The following BCAS3 variants were observed in gnomAD, a reference collection of about 807,000 sequenced individuals.
The protein encoded by BCAS3 is BCAS3 microtubule associated cell migration factor, also known as BCAS4/BCAS3 fusion.
In BCAS3, 53 loss-of-function variants were observed where a neutral mutation model predicts 116.1. That is an observed-to-expected ratio of 0.46 (90% CI 0.37 to 0.57). The LOEUF is 0.57. BCAS3 is among the 20% of genes least tolerant of loss of function. The pLI, the probability that BCAS3 is intolerant of heterozygous loss-of-function variation, is 0.00. For missense variants in BCAS3, 917 were observed against 1,165.4 expected (o/e 0.79, Z 3.10); for synonymous variants, 391 against 408.2 (o/e 0.96, Z 0.51).
In BCAS3 at chr17:61,141,762, G is replaced by A. The variant is rs1175145408; in HGVS notation, c.2425+57198G>A. On this transcript the variant is annotated intron_variant, in intron 22 of 23. Transcript: ENST00000407086. This position sits in a 1 kb window ranked among gnomAD's most constrained non-coding sequence, Gnocchi z 4.3. Reference sequence around the variant, plus strand: ...CTAAAAATACAAAAATTAGCTGGGCGTGGTGGCGCACGCCTGTAGTCCCAA... The same window carrying A: ...CTAAAAATACAAAAATTAGCTGGGCATGGTGGCGCACGCCTGTAGTCCCAA... Among the ~76,000 whole-genome samples the A allele has an allele frequency of 3.3e-5, 5 of 151,846 alleles. No individual in the cohort carries two copies. The highest frequency in any genetic ancestry group is 4.8e-5 in the African/African-American group (2 of 41,330).
At chr17:61,221,093 C>T (rs998794088) in intron 22 of BCAS3, among the ~76,000 whole-genome samples, 1 of 152,100 alleles carries the variant, frequency 6.6e-6, no homozygotes, top group Admixed American at 6.5e-5. Flanking sequence ...AGTGAGACTC[C>T]GTCTCAAAAA....
chr17:61,111,449 CA>C (rs1238657575), intron 22 of BCAS3, among the ~76,000 whole-genome samples: 4 of 151,674 alleles, frequency 2.6e-5, no homozygotes, highest in Admixed American at 2.6e-4. Flanking sequence ...GCAGAAGCCT[CA>C]GGAGCCAATG....
intron 22 of BCAS3, among the ~76,000 whole-genome samples, chr17:61,092,899 CTTTTTTTTTTTT>C (rs959718467): frequency 3.8e-5 from 3 of 79,544 alleles, no homozygotes; most frequent in African/African-American, 1.1e-4. Flanking sequence ...TTTGTCCAGT[CTTTTTTTTTTTT>C]TTTTTTTTTT....
Position 61,244,544 on chromosome 17 carries a change from A to G in BCAS3, c.2426-123783A>G, listed in dbSNP as rs2047773987. ...TGTTAAAATTACCCAAATCTCACAT[A>G]CTTTATTCAGTCTATATTTTTAAAA... On this transcript the variant is annotated intron_variant, in intron 22 of 23. Coordinates refer to ENST00000407086, the MANE Select transcript of BCAS3 (RefSeq NM_017679.5). The surrounding 1 kb of genome is among the most constrained non-coding windows in gnomAD (Gnocchi z 4.9). Among the ~76,000 whole-genome samples the G allele has an allele frequency of 6.6e-6, 1 of 152,170 alleles. No individual in the cohort carries two copies. The highest frequency in any genetic ancestry group is 2.4e-5 in the African/African-American group (1 of 41,444).
At chr17:60,900,542 A>G (rs2057818255) in intron 10 of BCAS3, among the ~76,000 whole-genome samples, 1 of 152,176 alleles carries the variant, frequency 6.6e-6, no homozygotes, top group African/African-American at 2.4e-5. Context: ...TCTCTGTTGA[A>G]TTCCAGTGTT....
chr17:60,731,056 C>T (rs2040408271), intron 5 of BCAS3, among the ~76,000 whole-genome samples: 1 of 151,476 alleles, frequency 6.6e-6, no homozygotes, highest in Non-Finnish European at 1.5e-5. Context: ...ACAATTTCTC[C>T]CTAATTAAAA....
intron 22 of BCAS3, among the ~76,000 whole-genome samples, chr17:61,360,516 A>G (rs2058398681): frequency 6.6e-6 from 1 of 152,224 alleles, no homozygotes; most frequent in Admixed American, 6.5e-5. Flanking sequence ...GAGCAGGGCC[A>G]TGCTGTCCTT....
chr17:61,054,323 G>GA (rs1164166490), intron 19 of BCAS3, among the ~76,000 whole-genome samples: 1 of 152,050 alleles, frequency 6.6e-6, no homozygotes, highest in Non-Finnish European at 1.5e-5. Context: ...ACCAGTTGGG[G>GA]AAAAAAAGTG....
chr17:61,248,517 G>C lies in BCAS3; in HGVS notation c.2426-119810G>C, dbSNP rs1239757272. 2.0e-5 allele frequency among the ~76,000 whole-genome samples: 3 copies of C among 152,150 alleles called. No individual in the cohort carries two copies. The highest frequency in any genetic ancestry group is 7.2e-5 in the African/African-American group (3 of 41,430). On this transcript the variant is annotated intron_variant, in intron 22 of 23. Transcript: ENST00000407086. This position sits in a 1 kb window ranked among gnomAD's most constrained non-coding sequence, Gnocchi z 4.3. Reference sequence around the variant, plus strand: ...GAATTCCCAGAGAGCCTTGGGCCTTGGGAGGAGGGGTAATATACAAGATTA... The same window carrying C: ...GAATTCCCAGAGAGCCTTGGGCCTTCGGAGGAGGGGTAATATACAAGATTA...
At chr17:60,690,857 C>CT (rs1301871907) in intron 4 of BCAS3, among the ~76,000 whole-genome samples, 2 of 151,856 alleles carry the variant, frequency 1.3e-5, no homozygotes, top group African/African-American at 4.8e-5. Context: ...GAGGTGGAGG[C>CT]TGCAGTGAGC....
At chr17:60,771,190 G>A (rs1295772062) in intron 6 of BCAS3, among the ~76,000 whole-genome samples, 2 of 152,032 alleles carry the variant, frequency 1.3e-5, no homozygotes, top group Non-Finnish European at 2.9e-5. Flanking sequence ...TTACAACTGA[G>A]AAACGCTTTT....
At position 61,330,530 on chromosome 17, in the gene BCAS3, T is replaced by A. The variant is rs140597542; in HGVS notation, c.2426-37797T>A. On this transcript the variant is annotated intron_variant, in intron 22 of 23. Coordinates refer to ENST00000407086, the MANE Select transcript of BCAS3 (RefSeq NM_017679.5). ...ACATTCTTCTCAGTGGAAGGTTTTA[T>A]GAAAGAGGTCAGCATGTGCCTCTGC... is the stretch of plus-strand genomic sequence containing the variant. Among the ~76,000 whole-genome samples, 309 of 152,320 alleles carry A rather than the reference T, an allele frequency of 2.0e-3. 1 individual carries two copies. Among genetic ancestry groups the A allele is most frequent in the South Asian group, 0.013 (61 of 4,826 alleles).
intron 12 of BCAS3, among the ~76,000 whole-genome samples, chr17:60,921,999 A>C (rs1160387298): frequency 6.6e-6 from 1 of 152,036 alleles, no homozygotes; most frequent in African/African-American, 2.4e-5. Context: ...TTTTTTTCTC[A>C]GTAATACTTG....
Position 60,868,658 on chromosome 17 carries a change from AT to A in BCAS3, c.562del (p.Tyr188MetfsTer12). Reference sequence around the variant, plus strand: ...CAAGTCCATTCAATTTAAGACACCTATTTATGATCTCCATTGCAATAAACGG... The same window carrying A: ...CAAGTCCATTCAATTTAAGACACCTATTATGATCTCCATTGCAATAAACGG... ...MVKSIQFKTP[I>X]YDLHCNKRIL... On this transcript the variant is annotated frameshift_variant, in exon 8 of 24. Coordinates refer to ENST00000407086, the MANE Select transcript of BCAS3 (RefSeq NM_017679.5). LOFTEE classifies it high-confidence loss of function. 6.3e-7 allele frequency: 1 copy of A among 1,595,750 alleles called. No individual in the cohort carries two copies. Among genetic ancestry groups the A allele is most frequent in the Non-Finnish European group, 8.5e-7 (1 of 1,171,716 alleles).
intron 7 of BCAS3, among the ~76,000 whole-genome samples, chr17:60,841,803 A>G (rs1032919140): frequency 3.3e-5 from 5 of 151,972 alleles, no homozygotes; most frequent in African/African-American, 9.7e-5. Context: ...TTCCACTTCT[A>G]GCCTTCCTAA....
At chr17:60,923,363 AT>A in intron 12 of BCAS3, among the ~76,000 whole-genome samples, 1 of 152,306 alleles carries the variant, frequency 6.6e-6, no homozygotes, top group Non-Finnish European at 1.5e-5. Flanking sequence ...TCACTCACAA[AT>A]ACTATCTCAG....
chr17:61,160,856 G>T (rs1189532762), intron 22 of BCAS3, among the ~76,000 whole-genome samples: 1 of 152,152 alleles, frequency 6.6e-6, no homozygotes, highest in African/African-American at 2.4e-5. Flanking sequence ...AATGCAGGGA[G>T]GGGGTGTCAG....
At chr17:60,854,001 T>G (rs1447909373) in intron 7 of BCAS3, among the ~76,000 whole-genome samples, 3 of 152,120 alleles carry the variant, frequency 2.0e-5, no homozygotes, top group Non-Finnish European at 4.4e-5. Context: ...GCTGCACCCA[T>G]TGACTCGTCT....
chr17:60,714,193 C>G (rs1003645912), intron 5 of BCAS3, among the ~76,000 whole-genome samples: 1 of 152,144 alleles, frequency 6.6e-6, no homozygotes, highest in African/African-American at 2.4e-5. Flanking sequence ...GTCTTGAACT[C>G]CTGGCCTCAG....
Sources: gnomAD v4.1 joint callset for allele counts (sites outside exome capture counted in the v4.1 genomes callset) on GRCh38, gnomAD v4.1.1 for gene constraint, Gnocchi (gnomAD v3.1) non-coding constraint, MANE v1.5 for transcripts, NCBI Gene and HGNC (gene_info 2026-07-23, HGNC 2026-07-21) for gene names.